METTL16: variants seen among roughly 807,000 people sequenced by gnomAD.
The protein encoded by METTL16 is RNA N(6)-adenosine-methyltransferase METTL16.
Under a neutral mutation model 57.9 loss-of-function variants are expected in METTL16, and 19 were observed. That is an observed-to-expected ratio of 0.33 (90% CI 0.23 to 0.48). The LOEUF is 0.48. Ranked by LOEUF, METTL16 falls within the 20% of genes least tolerant of loss-of-function variation. METTL16 has a pLI of 0.99. For synonymous variants in METTL16, 246 were observed against 255.6 expected (o/e 0.96, Z 0.36); for missense variants, 434 against 691.5 (o/e 0.63, Z 4.18).
chr17:2,432,997 G>C (rs1235296720), intron 8 of METTL16, among the ~76,000 whole-genome samples: 2 of 152,126 alleles, frequency 1.3e-5, no homozygotes. Context: ...TATGCAAGAA[G>C]GTTTTGGTGT....
chr17:2,501,462 C>A lies in METTL16; in HGVS notation c.128+742G>T, dbSNP rs112931126. 3.6e-3 allele frequency among the ~76,000 whole-genome samples: 553 copies of A among 152,208 alleles called. 1 individual carries two copies. The highest frequency in any genetic ancestry group is 0.013 in the African/African-American group (523 of 41,546). On this transcript the variant is annotated intron_variant, in intron 2 of 9. Coordinates refer to ENST00000263092, the MANE Select transcript of METTL16 (RefSeq NM_024086.4). Reference sequence around the variant, plus strand: ...AAATAAATAAATAAAAATAAATCAACTTCTTAAATTTAGTAACATCTTAAA... The same window carrying A: ...AAATAAATAAATAAAAATAAATCAAATTCTTAAATTTAGTAACATCTTAAA...
chr17:2,455,007 G>C lies in METTL16; in HGVS notation c.728+9201C>G, dbSNP rs1597452262. ...GCAATCTTGGTTCACTGCAACCTCTGCCTCCCAGTTTCAAGCGATTCTCCT... is the reference window on the plus strand; with the variant it reads ...GCAATCTTGGTTCACTGCAACCTCTCCCTCCCAGTTTCAAGCGATTCTCCT... On this transcript the variant is annotated intron_variant, in intron 6 of 9. Coordinates refer to ENST00000263092, the MANE Select transcript of METTL16 (RefSeq NM_024086.4). Among the ~76,000 whole-genome samples, 2 of 151,564 alleles carry C rather than the reference G, an allele frequency of 1.3e-5. 1 individual carries two copies. The highest frequency in any genetic ancestry group is 3.9e-4 in the East Asian group (2 of 5,158).
In METTL16 at chr17:2,492,291, A is replaced by C. The variant is rs568604716; in HGVS notation, c.128+9913T>G. On this transcript the variant is annotated intron_variant, in intron 2 of 9. Transcript: ENST00000263092. ...AAGCTGAACTGACAGTGCTGAACTA[A>C]ATTGTAGGCTGTCCCTATGGAACTG... 3.3e-5 allele frequency among the ~76,000 whole-genome samples: 5 copies of C among 152,332 alleles called. No homozygotes were observed. The East Asian group carries it at 9.6e-4, about 29-fold the overall frequency.
chr17:2,451,224 T>C lies in METTL16; in HGVS notation c.729-9665A>G, dbSNP rs113727184. On this transcript the variant is annotated intron_variant, in intron 6 of 9. Transcript: ENST00000263092. ...TTTGAAAATAAAGAAATAATTGTTA[T>C]AGCTAAAACACTTTAAACAAACCCC... Among the ~76,000 whole-genome samples the C allele has an allele frequency of 2.9e-3, 435 of 152,316 alleles. 5 individuals carry two copies. Among genetic ancestry groups the C allele is most frequent in the African/African-American group, 9.2e-3 (383 of 41,580 alleles).
At chr17:2,438,462 C>T (rs2066923886) in intron 7 of METTL16, among the ~76,000 whole-genome samples, 1 of 152,090 alleles carries the variant, frequency 6.6e-6, no homozygotes, top group South Asian at 2.1e-4. Flanking sequence ...GAAAACACAG[C>T]TCTTTAGAGA....
chr17:2,417,058 C>CTGTTTTTTTTTTTTTTTTTTTTTTTTTTT lies in METTL16; in HGVS notation c.*2911_*2912insAAAAAAAAAAAAAAAAAAAAAAAAAAACA, dbSNP rs1865202220. On this transcript the variant is annotated 3_prime_UTR_variant, in exon 10 of 10. Coordinates refer to ENST00000263092, the MANE Select transcript of METTL16 (RefSeq NM_024086.4). ...TGAAAGCTGGCCTGCTCATGGGTTC[C>CTGTTTTTTTTTTTTTTTTTTTTTTTTTTT]TTTTTTTTTTTTTTTTTTTTTTTTT... 1 of 61,534 alleles carries CTGTTTTTTTTTTTTTTTTTTTTTTTTTTT rather than the reference C, an allele frequency of 1.6e-5. No individual in the cohort carries two copies. Among genetic ancestry groups the CTGTTTTTTTTTTTTTTTTTTTTTTTTTTT allele is most frequent in the Admixed American group, 2.3e-4 (1 of 4,298 alleles). The allele number at this position is 61,534 out of a possible 1,614,324, so 3.8% of individuals were successfully genotyped here.
rs1003908698 is a variant in METTL16 at position 2,453,171 on chromosome 17, T to C, written c.728+11037A>G. Reference sequence around the variant, plus strand: ...CGCTGCGCCCCCACGGAAACAAGTGTATTCATTTTTGTAACCACAGAGGAA... The same window carrying C: ...CGCTGCGCCCCCACGGAAACAAGTGCATTCATTTTTGTAACCACAGAGGAA... On this transcript the variant is annotated intron_variant, in intron 6 of 9. Transcript: ENST00000263092. Among the ~76,000 whole-genome samples the C allele has an allele frequency of 3.9e-5, 6 of 152,166 alleles. 1 individual carries two copies. The highest frequency in any genetic ancestry group is 7.3e-5 in the Non-Finnish European group (5 of 68,032).
At chr17:2,498,337 G>A (rs533181921) in intron 2 of METTL16, among the ~76,000 whole-genome samples, 16 of 150,656 alleles carry the variant, frequency 1.1e-4, no homozygotes, top group East Asian at 3.9e-4. Context: ...TCTTGAACCC[G>A]GGAGGCAGAG....
At chr17:2,464,088 A>G in intron 6 of METTL16, 120 bp downstream of exon 6, 2 of 1,048,974 alleles carry the variant, frequency 1.9e-6, no homozygotes, top group South Asian at 1.7e-5. Flanking sequence ...ACGCCACTGC[A>G]CTCCAGCCTG....
chr17:2,476,030 A>G (rs1174849466), intron 3 of METTL16, among the ~76,000 whole-genome samples: 1 of 152,234 alleles, frequency 6.6e-6, no homozygotes, highest in Non-Finnish European at 1.5e-5. Flanking sequence ...GATGGAGAGA[A>G]GTAGATGATT....
At chr17:2,443,120 T>C (rs764839546) in intron 6 of METTL16, among the ~76,000 whole-genome samples, 7 of 151,774 alleles carry the variant, frequency 4.6e-5, no homozygotes, top group Non-Finnish European at 1.0e-4. Context: ...TCCTGAGTAG[T>C]TGGGATTACA....
chr17:2,485,647 G>C (rs2067336089), intron 2 of METTL16, among the ~76,000 whole-genome samples: 1 of 152,176 alleles, frequency 6.6e-6, no homozygotes, highest in Admixed American at 6.5e-5. Flanking sequence ...TTAAGAAACT[G>C]TGACAGCTGG....
At chr17:2,487,120 C>T (rs1449782950) in intron 2 of METTL16, among the ~76,000 whole-genome samples, 8 of 150,424 alleles carry the variant, frequency 5.3e-5, no homozygotes, top group Admixed American at 4.0e-4. Context: ...GATTTAGCAA[C>T]GAAATGATAT....
intron 4 of METTL16, among the ~76,000 whole-genome samples, chr17:2,472,629 C>G (rs759569055): frequency 5.9e-5 from 9 of 151,288 alleles, no homozygotes; most frequent in Non-Finnish European, 1.0e-4. Flanking sequence ...AATGAGCTTT[C>G]TGCAATTAGA....
Position 2,419,726 on chromosome 17 carries a change from G to A in METTL16, c.*244C>T. 1.5e-6 allele frequency: 1 copy of A among 672,236 alleles called. No homozygotes were observed. Among genetic ancestry groups the A allele is most frequent in the Admixed American group, 2.0e-5 (1 of 48,904 alleles). The allele number at this position is 672,236 out of a possible 1,614,324, so 41.6% of individuals were successfully genotyped here. On this transcript the variant is annotated 3_prime_UTR_variant, in exon 10 of 10. Coordinates refer to ENST00000263092, the MANE Select transcript of METTL16 (RefSeq NM_024086.4). The stretch of plus-strand genomic sequence containing the variant: ...GCTTGCAATCCCTCGGGAGTTTACT[G>A]AGGGCTTTCTGTTGTTACTGATGAC...
chr17:2,467,450 G>C (rs993888270), intron 5 of METTL16, among the ~76,000 whole-genome samples: 8 of 152,038 alleles, frequency 5.3e-5, no homozygotes, highest in African/African-American at 1.4e-4. Context: ...TTTTGAGATA[G>C]AGTCTTGCCC....
intron 1 of METTL16, among the ~76,000 whole-genome samples, chr17:2,503,077 T>C (rs1046764563): frequency 5.3e-5 from 8 of 152,324 alleles, no homozygotes; most frequent in East Asian, 1.9e-4. Flanking sequence ...ACTATCTGAT[T>C]CAGCAATTCC....
intron 2 of METTL16, among the ~76,000 whole-genome samples, chr17:2,493,383 G>A (rs2067416277): frequency 6.7e-6 from 1 of 149,714 alleles, no homozygotes; most frequent in African/African-American, 2.4e-5. Flanking sequence ...ACCACACCCA[G>A]CCCAGTAATT....
chr17:2,510,323 A>G (rs1190320165), intron 1 of METTL16, among the ~76,000 whole-genome samples: 3 of 152,142 alleles, frequency 2.0e-5, no homozygotes, highest in Non-Finnish European at 4.4e-5. Context: ...TCTCCTAGCT[A>G]TTTTGAAATA....
Sources: allele counts gnomAD v4.1 joint callset (sites outside exome capture counted in the v4.1 genomes callset), GRCh38; gene constraint gnomAD v4.1.1; transcripts MANE v1.5; gene names NCBI Gene and HGNC (gene_info 2026-07-23, HGNC 2026-07-21).